Variants in SACS observed in about 807,000 individuals in gnomAD.
SACS encodes the protein sacsin.
Under a neutral mutation model 348.0 loss-of-function variants are expected in SACS, and 197 were observed. That is an observed-to-expected ratio of 0.57 (90% CI 0.50 to 0.64). The LOEUF (loss-of-function observed/expected upper bound fraction) is 0.64, where lower values mean the gene tolerates loss of function less well. SACS is among the 30% of genes least tolerant of loss of function. The pLI, the probability that SACS is intolerant of heterozygous loss-of-function variation, is 0.00. For missense variants in SACS, 4,999 were observed against 5,360.8 expected (o/e 0.93, Z 2.11); for synonymous variants, 1,985 against 1,910.6 (o/e 1.04, Z -1.02).
In SACS at chr13:23,340,679, C is replaced by A. The variant is rs773060600; in HGVS notation, c.3197G>T (p.Cys1066Phe). 4.4e-6 allele frequency: 7 copies of A among 1,593,598 alleles called. No homozygotes were observed. The South Asian group carries it at 8.1e-5, about 18-fold the overall frequency. ...TGGGAAATAGGTTCCTTCTTCATTA[C>A]AAAAGAGATCCTTTAGTACTTCTAT... is the stretch of plus-strand genomic sequence containing the variant. ...PDIEVLKDLF[C>F]NEEGTYFPPS... Residue 1066 changes from cysteine (C) to phenylalanine (F), a missense_variant, in exon 10 of 10, where the codon TGT (cysteine) becomes TTT (phenylalanine). By Grantham distance (205) the Cys-to-Phe change is radical. Coordinates refer to ENST00000382292, the MANE Select transcript of SACS (RefSeq NM_014363.6).
At chr13:23,405,618 G>A (rs1263575282) in intron 2 of SACS, among the ~76,000 whole-genome samples, 1 of 151,782 alleles carries the variant, frequency 6.6e-6, no homozygotes, top group South Asian at 2.1e-4. Context: ...TGAACAGAAT[G>A]GGAGAAAATT....
In SACS at chr13:23,331,025, T is replaced by G. The variant is rs1430768077; in HGVS notation, c.12851A>C (p.Glu4284Ala). The change falls in exon 10 of 10, where the codon GAG becomes GCG. Residue 4284 changes from glutamate (E) to alanine (A), a missense_variant. Physicochemically the swap from Glu to Ala is moderately radical, Grantham distance 107 (BLOSUM62 -1). This residue lies in a region of SACS where 831 missense variants were observed against 941.8 expected (regional missense o/e 0.88). Coordinates refer to ENST00000382292, the MANE Select transcript of SACS (RefSeq NM_014363.6). ...RSIPPLFSGR[E>A]SHKTSSKHQS... Reference sequence around the variant, plus strand: ...ATGTTTGGAAGAAGTCTTGTGGCTCTCTCTACCAGAGAAAAGAGGAGGAAT... The same window carrying G: ...ATGTTTGGAAGAAGTCTTGTGGCTCGCTCTACCAGAGAAAAGAGGAGGAAT... 1 of 1,614,112 alleles carries G rather than the reference T, an allele frequency of 6.2e-7. No homozygotes were observed. Among genetic ancestry groups the G allele is most frequent in the Non-Finnish European group, 8.5e-7 (1 of 1,179,986 alleles).
intron 4 of SACS, 26 bp downstream of exon 4, chr13:23,371,052 T>C (rs911502617): frequency 9.9e-6 from 14 of 1,414,486 alleles, no homozygotes; most frequent in Admixed American, 8.9e-5. Context: ...ACATGGTATA[T>C]ACTTCTGGTA....
Position 23,334,259 on chromosome 13 carries a change from G to A in SACS, c.9617C>T (p.Ala3206Val), listed in dbSNP as rs1883684733. ...YSNILLNCKV[A>V]KVFDISSFAD... Reference sequence around the variant, plus strand: ...AAAGCTGGAAATGTCAAACACTTTTGCAACTTTACAGTTCAATAAAATATT... The same window carrying A: ...AAAGCTGGAAATGTCAAACACTTTTACAACTTTACAGTTCAATAAAATATT... The change falls in exon 10 of 10, where the codon GCA becomes GTA. Residue 3206 changes from alanine to valine, a missense_variant. Around this residue, in one of 6 missense-constraint regions of SACS, gnomAD observed 734 missense variants for 694.0 expected, o/e 1.06. Transcript: ENST00000382292. The A allele has an allele frequency of 6.2e-7, 1 of 1,612,184 alleles. No individual in the cohort carries two copies. The highest frequency in any genetic ancestry group is 8.5e-7 in the Non-Finnish European group (1 of 1,179,020).
Position 23,340,081 on chromosome 13 carries a change from T to C in SACS, c.3795A>G (p.Glu1265=). The C allele has an allele frequency of 6.2e-7, 1 of 1,614,088 alleles. No homozygotes were observed. The highest frequency in any genetic ancestry group is 1.1e-5 in the South Asian group (1 of 91,054). The part of the protein sequence containing the change: ...IYGFMHDHLN[E]GKDSFRALKF... ...TTAAGGCTCTAAAAGAATCTTTCCC[T>C]TCATTTAGATGATCATGCATGAATC... The change falls in exon 10 of 10, where the codon GAA becomes GAG. Residue 1265 remains glutamate (E), a synonymous_variant. Transcript: ENST00000382292.
chr13:23,335,430 T>G lies in SACS; in HGVS notation c.8446A>C (p.Thr2816Pro), dbSNP rs778442311. 1 of 1,613,956 alleles carries G rather than the reference T, an allele frequency of 6.2e-7. No homozygotes were observed. The highest frequency in any genetic ancestry group is 1.1e-5 in the South Asian group (1 of 91,082). ...MDTEDSEGNLTTWLICNRSGF... is the reference protein window; with the variant it reads ...MDTEDSEGNLPTWLICNRSGF... ...GATCTATTACAAATTAGCCACGTAGTAAGATTTCCTTCAGAGTCCTCAGTA... is the reference window on the plus strand; with the variant it reads ...GATCTATTACAAATTAGCCACGTAGGAAGATTTCCTTCAGAGTCCTCAGTA... The change falls in exon 10 of 10, where the codon ACT (threonine) becomes CCT (proline). Residue 2816 changes from threonine to proline, a missense_variant. Physicochemically the swap from Thr to Pro is conservative, Grantham distance 38. Around this residue, in one of 6 missense-constraint regions of SACS, gnomAD observed 3,156 missense variants for 3,380.1 expected, o/e 0.93. Coordinates refer to ENST00000382292, the MANE Select transcript of SACS (RefSeq NM_014363.6). This position sits in a 1 kb window ranked among gnomAD's most constrained non-coding sequence, Gnocchi z 4.7.
In SACS at chr13:23,375,439, G is replaced by A. The variant is rs1159452841; in HGVS notation, c.21-170C>T. 16 of 1,187,604 alleles carry A rather than the reference G, an allele frequency of 1.3e-5. No individual in the cohort carries two copies. The East Asian group carries it at 1.5e-4, about 11-fold the overall frequency. 73.6% of individuals were successfully genotyped at this position (1,187,604 alleles called of 1,614,324 possible). A position where few individuals can be genotyped will look rare whatever the true frequency, so the allele number is the denominator to read the frequency against. On this transcript the variant is annotated intron_variant, in intron 2 of 9. Coordinates refer to ENST00000382292, the MANE Select transcript of SACS (RefSeq NM_014363.6). ...ACGGCCGGCCCTACCGCGTCCACAG[G>A]CCCCGCGCGGGCCGGGAGGGCGGGA...
chr13:23,398,778 C>G lies in SACS; in HGVS notation c.20+12442G>C, dbSNP rs777160915. On this transcript the variant is annotated intron_variant, in intron 2 of 9. Coordinates refer to ENST00000382292, the MANE Select transcript of SACS (RefSeq NM_014363.6). The stretch of plus-strand genomic sequence containing the variant: ...GAGGAAGCTCTTAGATAACAGACTT[C>G]AGAGAGAGCAGGTTGTAAATTGTTT... Among the ~76,000 whole-genome samples, 49 of 151,936 alleles carry G rather than the reference C, an allele frequency of 3.2e-4. 1 individual carries two copies. The highest frequency in any genetic ancestry group is 7.2e-4 in the Admixed American group (11 of 15,260).
intron 2 of SACS, among the ~76,000 whole-genome samples, chr13:23,403,763 T>C (rs1873083757): frequency 6.6e-6 from 1 of 152,194 alleles, no homozygotes. Context: ...GCTCTGATCT[T>C]AGTTATTTCT....
chr13:23,415,411 C>T (rs777194779), intron 1 of SACS, among the ~76,000 whole-genome samples: 10 of 152,136 alleles, frequency 6.6e-5, no homozygotes, highest in Non-Finnish European at 1.0e-4. Flanking sequence ...TTGTTCCTTT[C>T]CTGGAAACTT....
At position 23,422,669 on chromosome 13, in the gene SACS, T is replaced by A. The variant is rs868642083; in HGVS notation, c.-501-10929A>T. ...CTTTGTGATGTGGTGTTTCTTTTTT[T>A]TTTTTTTGAGACGGAGTCTCACTCT... On this transcript the variant is annotated intron_variant, in intron 1 of 9. Coordinates refer to ENST00000382292, the MANE Select transcript of SACS (RefSeq NM_014363.6). Among the ~76,000 whole-genome samples the A allele has an allele frequency of 1.7e-3, 262 of 152,202 alleles. 1 individual carries two copies. Among genetic ancestry groups the A allele is most frequent in the African/African-American group, 6.0e-3 (250 of 41,546 alleles).
intron 2 of SACS, among the ~76,000 whole-genome samples, chr13:23,387,663 G>A (rs1300587481): frequency 6.6e-6 from 1 of 152,098 alleles, no homozygotes; most frequent in Non-Finnish European, 1.5e-5. Context: ...CCATTCACCT[G>A]TGTAGGGTGG....
chr13:23,358,231 A>G (rs557085895), intron 7 of SACS, 104 bp downstream of exon 7: 209 of 1,227,004 alleles, frequency 1.7e-4, no homozygotes, highest in Non-Finnish European at 2.4e-4. Flanking sequence ...GAATTTGGGT[A>G]AGATGGCTTT....
chr13:23,375,450 G>A (rs1341932948), intron 2 of SACS, 181 bp from the exon 3 acceptor site: 7 of 1,178,896 alleles, frequency 5.9e-6, no homozygotes, highest in Non-Finnish European at 6.3e-6. Flanking sequence ...CCCCGCGCGG[G>A]CCGGGAGGGC....
intron 2 of SACS, among the ~76,000 whole-genome samples, chr13:23,387,561 C>G (rs928206559): frequency 3.3e-5 from 5 of 152,102 alleles, no homozygotes; most frequent in South Asian, 2.1e-4. Flanking sequence ...CTGGAAGACC[C>G]TGTAGAGATA....
intron 2 of SACS, among the ~76,000 whole-genome samples, chr13:23,380,512 G>A (rs1028129567): frequency 2.0e-5 from 3 of 152,072 alleles, no homozygotes; most frequent in East Asian, 3.9e-4. Context: ...TGAGAAACTC[G>A]AAACCAAGCC....
chr13:23,375,435 A>G lies in SACS; in HGVS notation c.21-166T>C, dbSNP rs1871709316. The G allele has an allele frequency of 3.4e-6, 4 of 1,193,148 alleles. No individual in the cohort carries two copies. The South Asian group carries it at 1.3e-4, about 37-fold the overall frequency. The allele number at this position is 1,193,148 out of a possible 1,614,324, so 73.9% of individuals were successfully genotyped here. On this transcript the variant is annotated intron_variant, in intron 2 of 9. Transcript: ENST00000382292. ...GATCACGGCCGGCCCTACCGCGTCC[A>G]CAGGCCCCGCGCGGGCCGGGAGGGC...
rs1461532889 is a variant in SACS at position 23,337,664 on chromosome 13, T to C, written c.6212A>G (p.Glu2071Gly). Reference protein sequence around the residue: ...FFPNIQEIEAELRDPLMIFVL... With the variant: ...FFPNIQEIEAGLRDPLMIFVL... ...AAAGATCATTAAAGGATCTCTAAGTTCTGCTTCAATTTCTTGAATATTTGG... is the reference window on the plus strand; with the variant it reads ...AAAGATCATTAAAGGATCTCTAAGTCCTGCTTCAATTTCTTGAATATTTGG... Residue 2071 changes from glutamate to glycine, a missense_variant, in exon 10 of 10, where the codon GAA (glutamate) becomes GGA (glycine). Glu to Gly is a moderately conservative substitution (Grantham distance 98). This residue lies in a region of SACS where 3,156 missense variants were observed against 3,380.1 expected (regional missense o/e 0.93). Coordinates refer to ENST00000382292, the MANE Select transcript of SACS (RefSeq NM_014363.6). 1 of 1,613,298 alleles carries C rather than the reference T, an allele frequency of 6.2e-7. No individual in the cohort carries two copies. The highest frequency in any genetic ancestry group is 1.1e-5 in the South Asian group (1 of 90,860).
chr13:23,376,823 G>A (rs760328894), intron 2 of SACS, among the ~76,000 whole-genome samples: 6 of 152,180 alleles, frequency 3.9e-5, no homozygotes, highest in Admixed American at 6.5e-5. Context: ...AGGCCAAGAC[G>A]GGTGGATTAC....
Sources: allele counts gnomAD v4.1 joint callset (sites outside exome capture counted in the v4.1 genomes callset), GRCh38; gene constraint gnomAD v4.1.1; regional missense constraint gnomAD v4.1.1; non-coding constraint Gnocchi (gnomAD v3.1); transcripts MANE v1.5; gene names NCBI Gene and HGNC (gene_info 2026-07-23, HGNC 2026-07-21).